Variants in F13B observed in about 807,000 individuals in gnomAD.
The protein encoded by F13B is TGase.
In F13B, 58 loss-of-function variants were observed where a neutral mutation model predicts 79.8. That is an observed-to-expected ratio of 0.73 (90% CI 0.59 to 0.90). The LOEUF (loss-of-function observed/expected upper bound fraction) is 0.90, where lower values mean the gene tolerates loss of function less well. F13B is among the 40% of genes least tolerant of loss of function. F13B has a pLI of 0.00. For synonymous variants in F13B, 283 were observed against 260.3 expected (o/e 1.09, Z -0.84); for missense variants, 773 against 777.0 (o/e 0.99, Z 0.06).
chr1:197,043,389 T>C (rs371935170), intron 10 of F13B, among the ~76,000 whole-genome samples: 25 of 152,178 alleles, frequency 1.6e-4, no homozygotes, highest in African/African-American at 5.1e-4. Context: ...GCTGACATCA[T>C]CCAAACATCC....
At chr1:197,046,373 GACAA>G (rs1226557729) in intron 10 of F13B, among the ~76,000 whole-genome samples, 1 of 152,052 alleles carries the variant, frequency 6.6e-6, no homozygotes, top group African/African-American at 2.4e-5. Flanking sequence ...ATCAATAATA[GACAA>G]ACAGAGAGCC....
chr1:197,056,719 C>T (rs1398559532), intron 7 of F13B, among the ~76,000 whole-genome samples: 1 of 152,106 alleles, frequency 6.6e-6, no homozygotes, highest in South Asian at 2.1e-4. Context: ...TATGTGTTGT[C>T]ATTTAGAACT....
At chr1:197,055,600 A>G in intron 8 of F13B, 115 bp downstream of exon 8, 1 of 1,120,796 alleles carries the variant, frequency 8.9e-7, no homozygotes, top group Non-Finnish European at 1.3e-6. Context: ...GAAATGAGAG[A>G]GAAAACACTT....
At chr1:197,045,540 C>T (rs1194297290) in intron 10 of F13B, among the ~76,000 whole-genome samples, 1 of 151,984 alleles carries the variant, frequency 6.6e-6, no homozygotes, top group Non-Finnish European at 1.5e-5. Context: ...TCAAAAAAAG[C>T]CCAGGACCAG....
Position 197,040,501 on chromosome 1 carries a change from CA to C in F13B, c.1952+20del, listed in dbSNP as rs747305999. On this transcript the variant is annotated intron_variant, in intron 11 of 11. Coordinates refer to ENST00000367412, the MANE Select transcript of F13B (RefSeq NM_001994.3). ...ATCTGACCAAAAAAAATAATCTGAC[CA>C]AAAAAAAAAAACTTCTTACCTTTGT... The C allele has an allele frequency of 0.01, 12,508 of 1,232,312 alleles. No individual in the cohort carries two copies. Among genetic ancestry groups the C allele is most frequent in the Non-Finnish European group, 0.011 (10,127 of 884,070 alleles). The allele number at this position is 1,232,312 out of a possible 1,614,324, so 76.3% of individuals were successfully genotyped here.
At chr1:197,051,975 C>T (rs1041550011) in intron 9 of F13B, among the ~76,000 whole-genome samples, 17 of 152,044 alleles carry the variant, frequency 1.1e-4, no homozygotes, top group Admixed American at 1.1e-3. Context: ...CTGTAAGTTT[C>T]CTGTTCACTC....
intron 7 of F13B, among the ~76,000 whole-genome samples, chr1:197,056,276 C>G (rs980656232): frequency 1.3e-5 from 2 of 152,116 alleles, no homozygotes; most frequent in South Asian, 2.1e-4. Flanking sequence ...CATCTCAGGT[C>G]TCAATAGACC....
rs770138481 is a variant in F13B at position 197,060,590 on chromosome 1, C to A, written c.629-48G>T. On this transcript the variant is annotated intron_variant, in intron 4 of 11. Coordinates refer to ENST00000367412, the MANE Select transcript of F13B (RefSeq NM_001994.3). The stretch of plus-strand genomic sequence containing the variant: ...AATTACAAACAAATGTTTATTTTTT[C>A]TGCTACAACAAAATGCACTATTTAC... 7 of 1,360,124 alleles carry A rather than the reference C, an allele frequency of 5.1e-6. No individual in the cohort carries two copies. The East Asian group carries it at 1.6e-4, about 32-fold the overall frequency. 84.3% of individuals were successfully genotyped at this position (1,360,124 alleles called of 1,614,324 possible).
At chr1:197,042,216 C>A (rs1655061605) in intron 10 of F13B, among the ~76,000 whole-genome samples, 1 of 152,052 alleles carries the variant, frequency 6.6e-6, no homozygotes, top group African/African-American at 2.4e-5. Flanking sequence ...GCTGGAAGTG[C>A]TACAGGTGAT....
At chr1:197,040,278 T>C (rs190501839) in intron 11 of F13B, 39 of 460,962 alleles carry the variant, frequency 8.5e-5, no homozygotes, top group South Asian at 6.9e-4. Flanking sequence ...TATTTTTCCA[T>C]TTGCCAAAGT....
chr1:197,059,990 AT>A (rs1011516380), intron 5 of F13B, among the ~76,000 whole-genome samples: 2 of 152,046 alleles, frequency 1.3e-5, no homozygotes, highest in Non-Finnish European at 2.9e-5. Flanking sequence ...TTGGAGATTA[AT>A]TTTTACATCT....
intron 7 of F13B, among the ~76,000 whole-genome samples, chr1:197,056,741 G>T (rs1571563991): frequency 6.6e-6 from 1 of 152,092 alleles, no homozygotes; most frequent in East Asian, 1.9e-4. Context: ...ACAGGTAATG[G>T]CATGACACAG....
At position 197,061,760 on chromosome 1, in the gene F13B, A is replaced by T. The variant is rs1655870421; in HGVS notation, c.451+24T>A. The T allele has an allele frequency of 2.5e-6, 4 of 1,599,034 alleles. No homozygotes were observed. The South Asian group carries it at 4.4e-5, about 18-fold the overall frequency. On this transcript the variant is annotated intron_variant, in intron 3 of 11. Coordinates refer to ENST00000367412, the MANE Select transcript of F13B (RefSeq NM_001994.3). Reference sequence around the variant, plus strand: ...ATAAGCTTGATAAGCACTTATCTTCAGTTTTAGGAAATGATTCTTATACCA... The same window carrying T: ...ATAAGCTTGATAAGCACTTATCTTCTGTTTTAGGAAATGATTCTTATACCA...
intron 7 of F13B, 64 bp downstream of exon 7, chr1:197,056,949 A>G: frequency 1.3e-6 from 2 of 1,551,200 alleles, no homozygotes; most frequent in South Asian, 1.1e-5. Context: ...TTCAGATTAA[A>G]GTAACAGAAT....
chr1:197,050,385 C>A (rs1655400152), intron 10 of F13B, among the ~76,000 whole-genome samples: 1 of 151,938 alleles, frequency 6.6e-6, no homozygotes, highest in Non-Finnish European at 1.5e-5. Flanking sequence ...CTAATGTTTT[C>A]TATTATAGTA....
chr1:197,058,279 C>T (rs991441447), intron 5 of F13B, among the ~76,000 whole-genome samples: 3 of 152,168 alleles, frequency 2.0e-5, no homozygotes, highest in Non-Finnish European at 4.4e-5. Context: ...TGTTCTTGAA[C>T]CCACGTCTGT....
intron 10 of F13B, among the ~76,000 whole-genome samples, chr1:197,046,690 G>C (rs1272391747): frequency 6.6e-6 from 1 of 152,168 alleles, no homozygotes; most frequent in Non-Finnish European, 1.5e-5. Flanking sequence ...CCAAAAAAGA[G>C]CCCGCATTGC....
At chr1:197,039,627 C>T (rs926853649) in intron 11 of F13B, among the ~76,000 whole-genome samples, 6 of 151,962 alleles carry the variant, frequency 3.9e-5, no homozygotes, top group South Asian at 2.1e-4. Context: ...ATATTTTCTA[C>T]GTGTTTACCT....
chr1:197,045,487 A>C (rs1655195541), intron 10 of F13B, among the ~76,000 whole-genome samples: 1 of 152,228 alleles, frequency 6.6e-6, no homozygotes, highest in Non-Finnish European at 1.5e-5. Context: ...GAATAGACCA[A>C]TAACAGGGTC....
Sources: allele counts gnomAD v4.1 joint callset (sites outside exome capture counted in the v4.1 genomes callset), GRCh38; gene constraint gnomAD v4.1.1; transcripts MANE v1.5; gene names NCBI Gene and HGNC (gene_info 2026-07-23, HGNC 2026-07-21).